Variants in THEMIS observed in about 807,000 individuals in gnomAD.
THEMIS encodes the protein protein THEMIS.
In THEMIS, 37 loss-of-function variants were observed where a neutral mutation model predicts 52.6. That is an observed-to-expected ratio of 0.70 (90% CI 0.54 to 0.93). The LOEUF is 0.93. Among genes scored for constraint, THEMIS ranks in the 40% least tolerant of loss-of-function variants. The pLI is 0.00. For synonymous variants in THEMIS, 292 were observed against 272.7 expected (o/e 1.07, Z -0.70); for missense variants, 808 against 763.1 (o/e 1.06, Z -0.69).
rs375800602 is a variant in THEMIS at position 127,846,016 on chromosome 6, C to A, written c.250+9014G>T. ...TAAGCTAGAATTTTCAATTACCTGA[C>A]TGAGTGTTGACAGAATGTTCCCAAA... On this transcript the variant is annotated intron_variant, in intron 2 of 5. Transcript: ENST00000368248. Among the ~76,000 whole-genome samples, 71 of 152,014 alleles carry A rather than the reference C, an allele frequency of 4.7e-4. 1 individual carries two copies. Among genetic ancestry groups the A allele is most frequent in the African/African-American group, 1.6e-3 (67 of 41,536 alleles).
At chr6:127,863,211 A>C (rs1779865583) in intron 1 of THEMIS, among the ~76,000 whole-genome samples, 1 of 152,194 alleles carries the variant, frequency 6.6e-6, no homozygotes, top group African/African-American at 2.4e-5. Flanking sequence ...TACATCTCTA[A>C]GTGCTAGCAA....
At chr6:127,802,073 T>C (rs1197609389) in intron 4 of THEMIS, among the ~76,000 whole-genome samples, 2 of 152,152 alleles carry the variant, frequency 1.3e-5, no homozygotes, top group Non-Finnish European at 2.9e-5. Context: ...TAAGAGTTTA[T>C]TTGCTTGGTT....
intron 1 of THEMIS, among the ~76,000 whole-genome samples, chr6:127,858,317 A>G (rs1282911041): frequency 6.6e-6 from 1 of 152,124 alleles, no homozygotes; most frequent in Non-Finnish European, 1.5e-5. Context: ...GGAAAAGACT[A>G]TCATGTAAAT....
At chr6:127,908,498 C>T (rs566772809) in intron 1 of THEMIS, among the ~76,000 whole-genome samples, 2 of 152,184 alleles carry the variant, frequency 1.3e-5, no homozygotes, top group East Asian at 3.9e-4. Context: ...GCCTACTGCT[C>T]GGTGCCACAG....
chr6:127,725,568 A>G (rs564461), intron 4 of THEMIS, among the ~76,000 whole-genome samples: 56,779 of 151,968 alleles, frequency 0.37, 11,907 homozygotes, highest in Non-Finnish European at 0.49. Context: ...ATCATTGTGC[A>G]TTATAAAGGT....
intron 3 of THEMIS, among the ~76,000 whole-genome samples, chr6:127,822,486 TGA>T (rs990464260): frequency 2.0e-4 from 30 of 152,076 alleles, no homozygotes; most frequent in African/African-American, 5.1e-4. Context: ...ACTGAGAAAC[TGA>T]GAGTTATTTA....
chr6:127,751,994 G>T (rs992979699), intron 4 of THEMIS, among the ~76,000 whole-genome samples: 1 of 151,620 alleles, frequency 6.6e-6, no homozygotes, highest in Non-Finnish European at 1.5e-5. Flanking sequence ...ATCATATCAG[G>T]TATCTTCTTT....
intron 3 of THEMIS, among the ~76,000 whole-genome samples, chr6:127,824,583 T>C (rs1220708426): frequency 6.6e-6 from 1 of 150,522 alleles, no homozygotes; most frequent in Non-Finnish European, 1.5e-5. Flanking sequence ...TAATAAGAAA[T>C]GATACACCAA....
chr6:127,861,305 C>T (rs2114332695), intron 1 of THEMIS, among the ~76,000 whole-genome samples: 1 of 152,164 alleles, frequency 6.6e-6, no homozygotes, highest in Non-Finnish European at 1.5e-5. Flanking sequence ...TAAACTTGTT[C>T]TCTATTTCCA....
At chr6:127,896,489 T>C (rs1456312111) in intron 1 of THEMIS, among the ~76,000 whole-genome samples, 1 of 151,484 alleles carries the variant, frequency 6.6e-6, no homozygotes, top group African/African-American at 2.4e-5. Context: ...TGAAATAGAC[T>C]TAAATAACTA....
chr6:127,778,831 A>T lies in THEMIS; in HGVS notation c.1758+34052T>A, dbSNP rs1028193047. On this transcript the variant is annotated intron_variant, in intron 4 of 5. Transcript: ENST00000368248. ...TAGTCCTAAAAGTCACTCAAGTGGA[A>T]TTTTTTTTTTTTTTTTTGCTAAAAA... Among the ~76,000 whole-genome samples the T allele has an allele frequency of 7.7e-5, 11 of 142,266 alleles. 1 individual carries two copies. The highest frequency in any genetic ancestry group is 3.7e-3 in the Middle Eastern group (1 of 272). The allele number at this position is 142,266 out of a possible 152,430, so 93.3% of individuals were successfully genotyped here.
intron 1 of THEMIS, among the ~76,000 whole-genome samples, chr6:127,906,745 C>T (rs1019543877): frequency 1.3e-5 from 2 of 151,800 alleles, no homozygotes; most frequent in Admixed American, 6.6e-5. Context: ...TGCTAAAGAA[C>T]AGAGAAGGAC....
chr6:127,886,571 C>G (rs1780651595), intron 1 of THEMIS, among the ~76,000 whole-genome samples: 2 of 152,082 alleles, frequency 1.3e-5, no homozygotes, highest in Admixed American at 1.3e-4. Context: ...CTGTATAAGT[C>G]TGACATTTGT....
At chr6:127,722,362 T>C (rs1051067277) in intron 4 of THEMIS, among the ~76,000 whole-genome samples, 6 of 151,974 alleles carry the variant, frequency 3.9e-5, no homozygotes, top group Non-Finnish European at 1.5e-5. Context: ...GTCTGCACAT[T>C]ATACCCTGGC....
At chr6:127,889,803 A>G (rs992700233) in intron 1 of THEMIS, among the ~76,000 whole-genome samples, 8 of 152,118 alleles carry the variant, frequency 5.3e-5, no homozygotes, top group South Asian at 2.1e-4. Flanking sequence ...TTTACTTTCA[A>G]TATACTACAA....
chr6:127,858,715 T>G (rs1296802636), intron 1 of THEMIS, among the ~76,000 whole-genome samples: 1 of 152,132 alleles, frequency 6.6e-6, no homozygotes, highest in Non-Finnish European at 1.5e-5. Flanking sequence ...TAAAATGGCT[T>G]TCATTTCATT....
chr6:127,898,621 C>T (rs1371679688), intron 1 of THEMIS, among the ~76,000 whole-genome samples: 1 of 151,746 alleles, frequency 6.6e-6, no homozygotes, highest in Non-Finnish European at 1.5e-5. Context: ...AATAGAACTA[C>T]TTACAACCTA....
intron 4 of THEMIS, among the ~76,000 whole-genome samples, chr6:127,731,087 C>T (rs189510103): frequency 3.3e-5 from 5 of 152,146 alleles, no homozygotes. Context: ...GTACATCCTG[C>T]AGAATTCAGT....
intron 4 of THEMIS, among the ~76,000 whole-genome samples, chr6:127,787,852 T>C (rs200502617): frequency 8.7e-6 from 1 of 114,846 alleles, no homozygotes; most frequent in Non-Finnish European, 1.9e-5. Context: ...TAGACAGATA[T>C]AGATAGATAG....
Sources: gnomAD v4.1 joint callset for allele counts (sites outside exome capture counted in the v4.1 genomes callset) on GRCh38, gnomAD v4.1.1 for gene constraint, MANE v1.5 for transcripts, NCBI Gene and HGNC (gene_info 2026-07-23, HGNC 2026-07-21) for gene names.